SNTG1: variants seen among roughly 807,000 people sequenced by gnomAD.
SNTG1 encodes gamma-1-syntrophin.
A neutral mutation model predicts 74.7 loss-of-function variants in SNTG1; 39 were observed. The observed-to-expected ratio is 0.52, with a 90% CI of 0.40 to 0.68. The LOEUF is 0.68. Ranked by LOEUF, SNTG1 falls within the 30% of genes least tolerant of loss-of-function variation. The pLI is 0.00. For synonymous variants in SNTG1, 254 were observed against 217.1 expected, an observed-to-expected ratio of 1.17 and a Z score of -1.49; for missense variants, 685 against 609.5, an observed-to-expected ratio of 1.12 and a Z score of -1.30.
At chr8:50,544,896 G>C (rs888977514) in intron 11 of SNTG1, among the ~76,000 whole-genome samples, 1 of 151,960 alleles carries the variant, frequency 6.6e-6, no homozygotes, top group Non-Finnish European at 1.5e-5. Context: ...GGCAAGAAAA[G>C]ATAAATAAGT....
chr8:50,114,511 G>A (rs904176737), intron 1 of SNTG1, among the ~76,000 whole-genome samples: 3 of 152,220 alleles, frequency 2.0e-5, no homozygotes, highest in African/African-American at 7.2e-5. Context: ...AAGGTAGTTG[G>A]CCTGAGACTG....
At chr8:49,983,852 G>A (rs751824272) in intron 1 of SNTG1, among the ~76,000 whole-genome samples, 11 of 152,170 alleles carry the variant, frequency 7.2e-5, no homozygotes, top group South Asian at 2.1e-4. Flanking sequence ...TTGAAACTAC[G>A]TTTCATTTTA....
intron 1 of SNTG1, among the ~76,000 whole-genome samples, chr8:50,089,811 A>C (rs1394819990): frequency 6.6e-6 from 1 of 152,146 alleles, no homozygotes; most frequent in Admixed American, 6.6e-5. Context: ...TGTCGGTGGG[A>C]CTGTAAACTA....
chr8:50,609,337 G>A (rs2094834488), intron 13 of SNTG1, among the ~76,000 whole-genome samples: 1 of 151,906 alleles, frequency 6.6e-6, no homozygotes, highest in African/African-American at 2.4e-5. Context: ...GACCTTTTTT[G>A]TTTGTATCAT....
At chr8:50,389,805 G>A (rs905163560) in intron 2 of SNTG1, among the ~76,000 whole-genome samples, 1 of 152,144 alleles carries the variant, frequency 6.6e-6, no homozygotes, top group Non-Finnish European at 1.5e-5. Flanking sequence ...ATCTCATTGT[G>A]GTTTTGATTT....
rs979888943 is a variant in SNTG1, at chr8:50,730,006, C to T, written c.1284+21028C>T. 9.2e-5 allele frequency among the ~76,000 whole-genome samples: 14 copies of T among 152,084 alleles called. No homozygotes were observed. In the East Asian group the frequency reaches 9.7e-4, roughly 11 times the overall value. ...GAGGGAGCACCCCGTATTCACTACA[C>T]GGACTGCGATGCTAAAAAGTAGTTG... On this transcript the variant is annotated intron_variant, in intron 17 of 18. Transcript: ENST00000642720.
chr8:50,425,587 C>T (rs1168269535), intron 4 of SNTG1, among the ~76,000 whole-genome samples: 1 of 151,994 alleles, frequency 6.6e-6, no homozygotes, highest in African/African-American at 2.4e-5. Context: ...TAAAGTGCAC[C>T]ATAAATGTAA....
chr8:50,517,993 C>T (rs1458979628), intron 9 of SNTG1, among the ~76,000 whole-genome samples: 1 of 152,154 alleles, frequency 6.6e-6, no homozygotes, highest in African/African-American at 2.4e-5. Flanking sequence ...CCCAAATCAA[C>T]AGAATATACA....
intron 17 of SNTG1, among the ~76,000 whole-genome samples, chr8:50,740,052 ATAGGACTG>A (rs2095539248): frequency 6.6e-6 from 1 of 152,146 alleles, no homozygotes; most frequent in Non-Finnish European, 1.5e-5. Context: ...CATTCTAGAC[ATAGGACTG>A]GGCAAAGATT....
chr8:50,162,571 A>G (rs1187341885), intron 1 of SNTG1, among the ~76,000 whole-genome samples: 5 of 150,648 alleles, frequency 3.3e-5, no homozygotes, highest in African/African-American at 1.2e-4. Context: ...AAAAAAAAAA[A>G]AAAAAAGAAA....
intron 15 of SNTG1, among the ~76,000 whole-genome samples, chr8:50,667,542 CT>C (rs147573253): frequency 2.9e-3 from 438 of 152,108 alleles, no homozygotes; most frequent in Non-Finnish European, 4.8e-3. Flanking sequence ...TCTTTTTCTT[CT>C]CTTTATAAAG....
chr8:50,606,191 G>A (rs1263444474), intron 13 of SNTG1, among the ~76,000 whole-genome samples: 1 of 152,164 alleles, frequency 6.6e-6, no homozygotes, highest in African/African-American at 2.4e-5. Context: ...ACAACTTGTA[G>A]ACTTATTCAA....
chr8:50,781,514 C>T (rs978083721), intron 18 of SNTG1, among the ~76,000 whole-genome samples: 2 of 152,124 alleles, frequency 1.3e-5, no homozygotes, highest in Non-Finnish European at 2.9e-5. Context: ...TCATCAGAGA[C>T]TAGGATTGCA....
chr8:50,057,502 C>A (rs1412417465), intron 1 of SNTG1, among the ~76,000 whole-genome samples: 5 of 151,906 alleles, frequency 3.3e-5, no homozygotes, highest in Admixed American at 1.3e-4. Context: ...TGAAAGAGAA[C>A]AAGGTCAAAG....
At chr8:50,737,033 G>C (rs2095530619) in intron 17 of SNTG1, among the ~76,000 whole-genome samples, 1 of 151,814 alleles carries the variant, frequency 6.6e-6, no homozygotes, top group Admixed American at 6.6e-5. Context: ...AAATTCAAAA[G>C]CTAGCAGAAC....
intron 13 of SNTG1, among the ~76,000 whole-genome samples, chr8:50,600,704 G>T (rs191934312): frequency 1.7e-3 from 251 of 151,542 alleles, no homozygotes; most frequent in Admixed American, 5.6e-3. Flanking sequence ...TTTGGTAAAG[G>T]TTTGTCAATA....
chr8:49,971,321 T>A (rs1811650868), intron 1 of SNTG1, among the ~76,000 whole-genome samples: 1 of 152,116 alleles, frequency 6.6e-6, no homozygotes, highest in Non-Finnish European at 1.5e-5. Flanking sequence ...CAACAACCCT[T>A]CATGCTGAAA....
intron 5 of SNTG1, among the ~76,000 whole-genome samples, chr8:50,446,836 G>A (rs898461681): frequency 6.6e-6 from 1 of 152,188 alleles, no homozygotes; most frequent in African/African-American, 2.4e-5. Context: ...AACCTTGGGA[G>A]ATGCATTCCA....
intron 9 of SNTG1, among the ~76,000 whole-genome samples, chr8:50,528,881 T>C (rs1158440133): frequency 6.6e-6 from 1 of 151,686 alleles, no homozygotes; most frequent in Non-Finnish European, 1.5e-5. Flanking sequence ...TAATTTTCTT[T>C]ATTATTTTCT....
Sources: gnomAD v4.1 joint callset for allele counts (sites outside exome capture counted in the v4.1 genomes callset) on GRCh38, gnomAD v4.1.1 for gene constraint, MANE v1.5 for transcripts, NCBI Gene and HGNC (gene_info 2026-07-23, HGNC 2026-07-21) for gene names.